Variants in CCSER1 observed in about 807,000 individuals in gnomAD.
CCSER1 encodes the protein coiled-coil serine rich protein 1.
Under a neutral mutation model 82.0 loss-of-function variants are expected in CCSER1, and 41 were observed. The observed-to-expected ratio is 0.50, with a 90% confidence interval of 0.39 to 0.65. CCSER1 has a LOEUF of 0.65. Among genes scored for constraint, CCSER1 ranks in the 30% least tolerant of loss-of-function variants. The pLI, the probability that CCSER1 is intolerant of heterozygous loss-of-function variation, is 0.00. For missense variants in CCSER1, 1,119 were observed against 1,064.2 expected, an observed-to-expected ratio of 1.05 and a Z score of -0.72; for synonymous variants, 414 against 383.9, an observed-to-expected ratio of 1.08 and a Z score of -0.92.
intron 9 of CCSER1, among the ~76,000 whole-genome samples, chr4:90,924,669 T>C (rs943936699): frequency 1.3e-5 from 2 of 152,146 alleles, no homozygotes; most frequent in South Asian, 4.1e-4. Flanking sequence ...TAGTTCAATA[T>C]TGGTCTTTTG....
chr4:90,958,985 G>T (rs1487525021), intron 9 of CCSER1, among the ~76,000 whole-genome samples: 10 of 152,208 alleles, frequency 6.6e-5, no homozygotes, highest in African/African-American at 1.9e-4. Context: ...CTTGGTCAAA[G>T]ATTTTATATA....
intron 1 of CCSER1, among the ~76,000 whole-genome samples, chr4:90,243,050 TTC>T (rs763068088): frequency 2.0e-5 from 3 of 148,838 alleles, no homozygotes; most frequent in South Asian, 2.1e-4. Context: ...TCTCTCTCTT[TTC>T]TCTCTCTCTC....
chr4:91,256,517 CA>C (rs1159761722), intron 10 of CCSER1, among the ~76,000 whole-genome samples: 4 of 152,150 alleles, frequency 2.6e-5, no homozygotes, highest in Non-Finnish European at 4.4e-5. Flanking sequence ...TTTTGTGGCT[CA>C]GGGGGCATCA....
intron 4 of CCSER1, among the ~76,000 whole-genome samples, chr4:90,461,591 C>T (rs972769805): frequency 6.6e-6 from 1 of 151,950 alleles, no homozygotes; most frequent in African/African-American, 2.4e-5. Context: ...TTCCATTTCT[C>T]AATATATATA....
chr4:90,387,068 A>G (rs1253706079), intron 3 of CCSER1, among the ~76,000 whole-genome samples: 1 of 152,172 alleles, frequency 6.6e-6, no homozygotes, highest in African/African-American at 2.4e-5. Context: ...GAATACGTTA[A>G]TTTTTATTAC....
chr4:90,334,747 G>A (rs989928606), intron 3 of CCSER1, among the ~76,000 whole-genome samples: 2 of 152,108 alleles, frequency 1.3e-5, no homozygotes, highest in African/African-American at 4.8e-5. Context: ...ACGTTCCTAA[G>A]AGAAGGACAC....
intron 9 of CCSER1, among the ~76,000 whole-genome samples, chr4:90,932,950 GAAAGAAAGAAAGAAAGAAAGAAAGAA>G (rs1561384390): frequency 3.1e-5 from 1 of 31,942 alleles, no homozygotes; most frequent in Non-Finnish European, 5.5e-5. Flanking sequence ...AAGAAAGAAA[GAAAGAAAGAAAGAAAGAAAGAAAGAA>G]AGAAAGAGAA....
chr4:90,935,262 A>G (rs893087114), intron 9 of CCSER1, among the ~76,000 whole-genome samples: 1 of 151,966 alleles, frequency 6.6e-6, no homozygotes. Flanking sequence ...TAATAGATTA[A>G]TGCCCACCCT....
chr4:90,289,077 G>A (rs556193631), intron 1 of CCSER1, among the ~76,000 whole-genome samples: 6 of 151,874 alleles, frequency 4.0e-5, no homozygotes, highest in Non-Finnish European at 8.8e-5. Context: ...AAGTAAGAAT[G>A]TTGCTGTGGG....
intron 5 of CCSER1, among the ~76,000 whole-genome samples, chr4:90,573,511 G>A (rs1385209306): frequency 6.6e-6 from 1 of 152,160 alleles, no homozygotes; most frequent in Non-Finnish European, 1.5e-5. Context: ...TGGGGAATGG[G>A]TAACATGGAT....
At position 90,628,237 on chromosome 4, in the gene CCSER1, T is replaced by C. The variant is rs376455514; in HGVS notation, c.1932+5T>C. The C allele has an allele frequency of 5.6e-6, 9 of 1,602,300 alleles. No individual in the cohort carries two copies. The highest frequency in any genetic ancestry group is 5.4e-5 in the African/African-American group (4 of 74,736). ...ATGAAGAGAGTTCTTCAAGAGGTAA[T>C]GGTTTCCTCTAAGATTAATGTCCTT... On this transcript the variant is annotated splice_donor_5th_base_variant and intron_variant, in intron 6 of 10. Transcript: ENST00000509176.
chr4:91,241,692 C>G (rs1351156455), intron 10 of CCSER1, among the ~76,000 whole-genome samples: 1 of 151,990 alleles, frequency 6.6e-6, no homozygotes, highest in Non-Finnish European at 1.5e-5. Flanking sequence ...GTTTTCATAT[C>G]CATTTAATAT....
chr4:90,619,177 T>G lies in CCSER1; in HGVS notation c.1725-8848T>G, dbSNP rs527479709. ...ATGGAACTGAACTTCTAGCAAATTT[T>G]GAAAGCTCTTCAGTATCATCGTGAA... On this transcript the variant is annotated intron_variant, in intron 5 of 10. Coordinates refer to ENST00000509176, the MANE Select transcript of CCSER1 (RefSeq NM_001145065.2). Among the ~76,000 whole-genome samples the G allele has an allele frequency of 3.4e-4, 52 of 152,106 alleles. 1 individual carries two copies. In the South Asian group the frequency reaches 9.9e-3, roughly 29 times the overall value.
At chr4:90,186,840 T>C (rs571217178) in intron 1 of CCSER1, among the ~76,000 whole-genome samples, 21 of 151,892 alleles carry the variant, frequency 1.4e-4, no homozygotes, top group Non-Finnish European at 2.4e-4. Context: ...GATTTCCTGG[T>C]TTTTCCCCCC....
At chr4:90,613,590 C>A (rs1433677240) in intron 5 of CCSER1, among the ~76,000 whole-genome samples, 2 of 152,076 alleles carry the variant, frequency 1.3e-5, no homozygotes, top group Non-Finnish European at 2.9e-5. Flanking sequence ...TGAATTCTTT[C>A]CAGAAGGTTT....
intron 9 of CCSER1, among the ~76,000 whole-genome samples, chr4:91,057,790 T>A (rs1743585618): frequency 6.6e-6 from 1 of 152,174 alleles, no homozygotes; most frequent in Admixed American, 6.6e-5. Flanking sequence ...TTAGAATGAC[T>A]ACTTTTTCAC....
intron 10 of CCSER1, among the ~76,000 whole-genome samples, chr4:91,565,641 GT>G (rs952362531): frequency 6.6e-6 from 1 of 151,728 alleles, no homozygotes; most frequent in Non-Finnish European, 1.5e-5. Context: ...AGTCCTAGGT[GT>G]TTTATTCTTT....
intron 8 of CCSER1, among the ~76,000 whole-genome samples, chr4:90,880,112 C>A (rs1721073120): frequency 6.6e-6 from 1 of 152,160 alleles, no homozygotes. Flanking sequence ...TCAGTTGTAA[C>A]TGTTTTCTTT....
chr4:90,155,667 A>G (rs932632341), intron 1 of CCSER1, among the ~76,000 whole-genome samples: 59 of 152,188 alleles, frequency 3.9e-4, no homozygotes, highest in Non-Finnish European at 6.8e-4. Context: ...TTATTTGCAT[A>G]GAGGTGTTCA....
Sources: gnomAD v4.1 joint callset for allele counts (sites outside exome capture counted in the v4.1 genomes callset) on GRCh38, gnomAD v4.1.1 for gene constraint, MANE v1.5 for transcripts, NCBI Gene and HGNC (gene_info 2026-07-23, HGNC 2026-07-21) for gene names.